The following MYG1 variants were observed in gnomAD, a reference collection of about 807,000 sequenced individuals.
MYG1 encodes the protein MYG1 exonuclease, also known as UPF0160 protein MYG1, mitochondrial.
A neutral mutation model predicts 43.5 loss-of-function variants in MYG1; 36 were observed. That is an observed-to-expected ratio of 0.83 (90% CI 0.63 to 1.09). The LOEUF (loss-of-function observed/expected upper bound fraction) is 1.09. Among genes scored for constraint, MYG1 ranks in the 50% least tolerant of loss-of-function variants. The pLI is 0.00. For missense variants in MYG1, 529 were observed against 495.1 expected (o/e 1.07, Z -0.65); for synonymous variants, 220 against 202.8 (o/e 1.08, Z -0.72).
In MYG1 at chr12:53,307,066, G is replaced by A; in HGVS notation, c.1048G>A (p.Gly350Ser). The change falls in exon 7 of 7, where the codon GGC (glycine) becomes AGC (serine). Residue 350 changes from glycine (G) to serine (S), a missense_variant. By Grantham distance (56) the Gly-to-Ser change is moderately conservative. Coordinates refer to ENST00000267103, the MANE Select transcript of MYG1 (RefSeq NM_021640.4). ...CTTCGTCCATGCAAGCGGCTTCACT[G>A]GCGGTCACCACACCCGAGAGGGTGC... ...CIFVHASGFT[G>S]GHHTREGALS... The A allele has an allele frequency of 6.2e-7, 1 of 1,614,198 alleles. No individual in the cohort carries two copies. The highest frequency in any genetic ancestry group is 8.5e-7 in the Non-Finnish European group (1 of 1,180,026).
rs1438497274 is a variant in MYG1 at position 53,306,242 on chromosome 12, G to A, written c.687G>A (p.Leu229=). 6.2e-7 allele frequency: 1 copy of A among 1,614,284 alleles called. No homozygotes were observed. Among genetic ancestry groups the A allele is most frequent in the Non-Finnish European group, 8.5e-7 (1 of 1,180,054 alleles). ...TGGATCTGGTTCAAGAGGAGTTTCTGCAGAGATTAGATTTCTACCAACACA... is the reference window on the plus strand; with the variant it reads ...TGGATCTGGTTCAAGAGGAGTTTCTACAGAGATTAGATTTCTACCAACACA... ...RAMDLVQEEF[L]QRLDFYQHSW... The change falls in exon 5 of 7, where the codon CTG becomes CTA. Residue 229 remains leucine (L), a synonymous_variant. Coordinates refer to ENST00000267103, the MANE Select transcript of MYG1 (RefSeq NM_021640.4).
intron 1 of MYG1, 30 bp from the exon 2 acceptor site, chr12:53,300,120 G>A: frequency 6.4e-7 from 1 of 1,566,256 alleles, no homozygotes; most frequent in Non-Finnish European, 8.7e-7. Context: ...GCGACACCCG[G>A]CAGCCCCTTC....
chr12:53,299,709 C>G lies in MYG1; in HGVS notation c.-29C>G, dbSNP rs1338880482. On this transcript the variant is annotated 5_prime_UTR_variant, in exon 1 of 7. Coordinates refer to ENST00000267103, the MANE Select transcript of MYG1 (RefSeq NM_021640.4). ...GCTGGCGCTTCCTCTTCCGGGTCGG[C>G]GCTCCTGCCTCCCTGCAGGGAGCTG... 5.7e-6 allele frequency: 9 copies of G among 1,581,428 alleles called. No individual in the cohort carries two copies. The African/African-American group carries it at 9.5e-5, about 17-fold the overall frequency.
intron 3 of MYG1, among the ~76,000 whole-genome samples, chr12:53,304,861 G>T (rs1185897312): frequency 1.3e-4 from 10 of 78,208 alleles, no homozygotes; most frequent in East Asian, 3.9e-4. Context: ...CTAAACCCAT[G>T]TTTTTTTTTT....
In MYG1 at chr12:53,299,792, C is replaced by G; in HGVS notation, c.55C>G (p.Leu19Val). 1 of 1,614,090 alleles carries G rather than the reference C, an allele frequency of 6.2e-7. No individual in the cohort carries two copies. The highest frequency in any genetic ancestry group is 2.2e-5 in the East Asian group (1 of 44,872). The change falls in exon 1 of 7, where the codon CTG becomes GTG. Residue 19 changes from leucine to valine, a missense_variant. Coordinates refer to ENST00000267103, the MANE Select transcript of MYG1 (RefSeq NM_021640.4). ...AACGCTGCTGCTGCCGCCGCCACCC[C>G]TGTATACCCGGCACCGCATGCTCGG... ...LLTLLLPPPP[L>V]YTRHRMLGPE... is the part of the protein sequence containing the mutation.
In MYG1 at chr12:53,299,820, C is replaced by A. The variant is rs372333604; in HGVS notation, c.83C>A (p.Pro28Gln). The A allele has an allele frequency of 6.2e-7, 1 of 1,614,040 alleles. No individual in the cohort carries two copies. The highest frequency in any genetic ancestry group is 8.5e-7 in the Non-Finnish European group (1 of 1,180,022). ...TATACCCGGCACCGCATGCTCGGTCCAGAGTCCGTCCCGCCCCCAAAACGA... is the reference window on the plus strand; with the variant it reads ...TATACCCGGCACCGCATGCTCGGTCAAGAGTCCGTCCCGCCCCCAAAACGA... Reference protein sequence around the residue: ...PLYTRHRMLGPESVPPPKRSR... With the variant: ...PLYTRHRMLGQESVPPPKRSR... The change falls in exon 1 of 7, where the codon CCA (proline) becomes CAA (glutamine). Residue 28 changes from proline to glutamine, a missense_variant. By Grantham distance (76) the Pro-to-Gln change is moderately conservative. Transcript: ENST00000267103.
chr12:53,305,961 G>T lies in MYG1; in HGVS notation c.543G>T (p.Gln181His). ...ATGCTGTGGACAATGGGATCTCCCAGTGGGCAGAGGGGGAGCCTCGATATG... is the reference window on the plus strand; with the variant it reads ...ATGCTGTGGACAATGGGATCTCCCATTGGGCAGAGGGGGAGCCTCGATATG... ...EVDAVDNGIS[Q>H]WAEGEPRYAL... The change falls in exon 4 of 7, where the codon CAG becomes CAT. Residue 181 changes from glutamine (Q) to histidine (H), a missense_variant. Transcript: ENST00000267103. 2 of 1,613,900 alleles carry T rather than the reference G, an allele frequency of 1.2e-6. No homozygotes were observed. Among genetic ancestry groups the T allele is most frequent in the South Asian group, 1.1e-5 (1 of 91,032 alleles).
In MYG1 at chr12:53,299,726, A is replaced by T. The variant is rs751312627; in HGVS notation, c.-12A>T. 1.9e-5 allele frequency: 31 copies of T among 1,607,638 alleles called. No individual in the cohort carries two copies. Among genetic ancestry groups the T allele is most frequent in the African/African-American group, 4.0e-5 (3 of 74,722 alleles). ...CGGGTCGGCGCTCCTGCCTCCCTGCAGGGAGCTGCTTATGGGACACCAATT... is the reference window on the plus strand; with the variant it reads ...CGGGTCGGCGCTCCTGCCTCCCTGCTGGGAGCTGCTTATGGGACACCAATT... On this transcript the variant is annotated 5_prime_UTR_variant, in exon 1 of 7. Coordinates refer to ENST00000267103, the MANE Select transcript of MYG1 (RefSeq NM_021640.4).
intron 3 of MYG1, 91 bp downstream of exon 3, chr12:53,303,284 G>A (rs1176599736): frequency 1.4e-5 from 20 of 1,440,018 alleles, no homozygotes; most frequent in Admixed American, 6.4e-5. Context: ...ACTGGGCCTC[G>A]GGTCAGGGTT....
intron 2 of MYG1, among the ~76,000 whole-genome samples, chr12:53,301,298 C>A (rs1944230787): frequency 6.6e-6 from 1 of 152,134 alleles, no homozygotes; most frequent in Non-Finnish European, 1.5e-5. Context: ...CAAGTATCTT[C>A]CATCTTGAAA....
intron 2 of MYG1, among the ~76,000 whole-genome samples, chr12:53,301,980 T>C (rs1176590313): frequency 6.6e-6 from 1 of 150,546 alleles, no homozygotes; most frequent in African/African-American, 2.4e-5. Flanking sequence ...CCCAGCCTCA[T>C]TTTTTTTATT....
chr12:53,299,950 C>A lies in MYG1; in HGVS notation c.213C>A (p.Tyr71Ter). The A allele has an allele frequency of 6.2e-7, 1 of 1,614,192 alleles. No homozygotes were observed. Among genetic ancestry groups the A allele is most frequent in the Non-Finnish European group, 8.5e-7 (1 of 1,180,030 alleles). ...CACTGCTTCGCCTCCTGCCGGAGTA[C>A]CGGGTACGGTCCGCGAAAAGTGACC... ...ACALLRLLPE[Y>*]RDAEIVRTRD... is the part of the protein sequence containing the mutation. Residue 71 changes from tyrosine (Y) to a stop codon, truncating the protein, a stop_gained, in exon 1 of 7, where the codon TAC (tyrosine) becomes TAA (stop). Transcript: ENST00000267103. LOFTEE classifies it high-confidence loss of function.
At chr12:53,305,201 A>G (rs4325348) in intron 3 of MYG1, among the ~76,000 whole-genome samples, 144,519 of 152,200 alleles carry the variant, frequency 0.95, 69,084 homozygotes, top group East Asian at 1. Flanking sequence ...TCAGGTTGGG[A>G]TCCAAACCAA....
intron 3 of MYG1, 157 bp downstream of exon 3, chr12:53,303,350 A>G: frequency 1.3e-6 from 1 of 777,486 alleles, no homozygotes; most frequent in East Asian, 2.8e-5. Flanking sequence ...CTCATCTCAC[A>G]AGGGAATGGT....
intron 2 of MYG1, 132 bp from the exon 3 acceptor site, chr12:53,302,902 G>C: frequency 9.2e-7 from 1 of 1,087,514 alleles, no homozygotes; most frequent in Middle Eastern, 3.2e-4. Context: ...ACAGTGTCTT[G>C]GTTTTTTATC....
Position 53,306,730 on chromosome 12 carries a change from G to GA in MYG1, c.818dup (p.Glu274GlyfsTer23). 6.2e-7 allele frequency: 1 copy of GA among 1,614,188 alleles called. No individual in the cohort carries two copies. Among genetic ancestry groups the GA allele is most frequent in the Non-Finnish European group, 8.5e-7 (1 of 1,180,030 alleles). ...AACTGGCGAAAGGTGCATGTCCCTG[G>GA]AAGGAGCATCTCTACCACCTGGAAT... On this transcript the variant is annotated frameshift_variant, in exon 6 of 7. Coordinates refer to ENST00000267103, the MANE Select transcript of MYG1 (RefSeq NM_021640.4). LOFTEE classifies it high-confidence loss of function.
rs748236014 is a variant in MYG1, at chr12:53,299,832, C to T, written c.95C>T (p.Pro32Leu). The T allele has an allele frequency of 2.5e-6, 4 of 1,614,182 alleles. No individual in the cohort carries two copies. Among genetic ancestry groups the T allele is most frequent in the African/African-American group, 1.3e-5 (1 of 75,052 alleles). ...RHRMLGPESVPPPKRSRSKLM... is the reference protein window; with the variant it reads ...RHRMLGPESVLPPKRSRSKLM... Reference sequence around the variant, plus strand: ...CGCATGCTCGGTCCAGAGTCCGTCCCGCCCCCAAAACGATCCCGCAGCAAA... The same window carrying T: ...CGCATGCTCGGTCCAGAGTCCGTCCTGCCCCCAAAACGATCCCGCAGCAAA... Residue 32 changes from proline to leucine, a missense_variant, in exon 1 of 7, where the codon CCG becomes CTG. Physicochemically the swap from Pro to Leu is moderately conservative, Grantham distance 98. Transcript: ENST00000267103.
chr12:53,300,060 C>A (rs1944213856), intron 1 of MYG1, 90 bp from the exon 2 acceptor site: 2 of 1,520,348 alleles, frequency 1.3e-6, no homozygotes, highest in Non-Finnish European at 1.8e-6. Flanking sequence ...GCCCAAGCAC[C>A]CTTCCTACCC....
chr12:53,305,921 T>C lies in MYG1; in HGVS notation c.503T>C (p.Phe168Ser). 6.2e-7 allele frequency: 1 copy of C among 1,604,566 alleles called. No homozygotes were observed. Among genetic ancestry groups the C allele is most frequent in the Non-Finnish European group, 8.5e-7 (1 of 1,176,274 alleles). ...GTLYDKMYEN[F>S]VEEVDAVDNG... is the part of the protein sequence containing the mutation. The stretch of plus-strand genomic sequence containing the variant: ...CTGCTGCCTTAGATGTATGAGAACT[T>C]TGTGGAGGAGGTGGATGCTGTGGAC... Residue 168 changes from phenylalanine (F) to serine (S), a missense_variant, in exon 4 of 7, where the codon TTT (phenylalanine) becomes TCT (serine). Physicochemically the swap from Phe to Ser is radical, Grantham distance 155 (BLOSUM62 -2). Coordinates refer to ENST00000267103, the MANE Select transcript of MYG1 (RefSeq NM_021640.4).
Sources: gnomAD v4.1 joint callset for allele counts (sites outside exome capture counted in the v4.1 genomes callset) on GRCh38, gnomAD v4.1.1 for gene constraint, MANE v1.5 for transcripts, NCBI Gene and HGNC (gene_info 2026-07-23, HGNC 2026-07-21) for gene names.